The following AGBL1 variants were observed in gnomAD, a reference collection of about 807,000 sequenced individuals.
The protein encoded by AGBL1 is AGBL carboxypeptidase 1, also known as cytosolic carboxypeptidase 4.
A neutral mutation model predicts 118.9 loss-of-function variants in AGBL1; 130 were observed. The observed-to-expected ratio is 1.09, with a 90% confidence interval of 0.95 to 1.26. AGBL1 has a LOEUF of 1.26. Ranked by LOEUF, AGBL1 falls within the 50% of genes most tolerant of loss-of-function variation. AGBL1 has a pLI of 0.00. For missense variants in AGBL1, 1,584 were observed against 1,298.1 expected, an observed-to-expected ratio of 1.22 and a Z score of -3.38; for synonymous variants, 555 against 478.9, an observed-to-expected ratio of 1.16 and a Z score of -2.08.
intron 22 of AGBL1, among the ~76,000 whole-genome samples, chr15:86,727,103 G>A (rs1384899909): frequency 6.6e-6 from 1 of 152,114 alleles, no homozygotes; most frequent in Non-Finnish European, 1.5e-5. Flanking sequence ...GCAGTACTTG[G>A]GATGATGGGG....
chr15:86,306,588 A>G (rs908529290), intron 17 of AGBL1, among the ~76,000 whole-genome samples: 10 of 152,164 alleles, frequency 6.6e-5, no homozygotes, highest in African/African-American at 2.4e-4. Context: ...GATTGCTTCC[A>G]GATCTTAGCT....
intron 21 of AGBL1, among the ~76,000 whole-genome samples, chr15:86,670,437 C>G (rs1463662211): frequency 4.6e-5 from 7 of 151,800 alleles, no homozygotes; most frequent in Admixed American, 3.9e-4. Context: ...AACCCTGTCT[C>G]TACTCAAAAT....
chr15:86,417,184 G>A (rs946443732), intron 18 of AGBL1, among the ~76,000 whole-genome samples: 3 of 152,054 alleles, frequency 2.0e-5, no homozygotes, highest in Admixed American at 6.6e-5. Context: ...TTTCATTTTC[G>A]ATAGTCCTCT....
intron 22 of AGBL1, among the ~76,000 whole-genome samples, chr15:86,751,073 C>G (rs531254399): frequency 1.3e-5 from 2 of 152,208 alleles, no homozygotes; most frequent in South Asian, 2.1e-4. Context: ...CATGTCTTCA[C>G]TATTGTGAAT....
At chr15:86,101,631 C>G (rs1192615489) in intron 1 of AGBL1, among the ~76,000 whole-genome samples, 1 of 131,702 alleles carries the variant, frequency 7.6e-6, no homozygotes, top group Non-Finnish European at 1.7e-5. Context: ...TGACATTTGT[C>G]TTTTTTTTTT....
chr15:86,494,823 G>A (rs910777650), intron 18 of AGBL1, among the ~76,000 whole-genome samples: 2 of 151,972 alleles, frequency 1.3e-5, no homozygotes, highest in Admixed American at 6.6e-5. Flanking sequence ...TTACTCATGT[G>A]TTTGTTTTGT....
At chr15:86,193,034 A>T (rs911500103) in intron 5 of AGBL1, among the ~76,000 whole-genome samples, 1 of 152,196 alleles carries the variant, frequency 6.6e-6, no homozygotes, top group African/African-American at 2.4e-5. Flanking sequence ...TATTAAAAAA[A>T]GTATTTTTTA....
In AGBL1 at chr15:86,474,846, T is replaced by C. The variant is rs368211976; in HGVS notation, c.2556-47964T>C. Among the ~76,000 whole-genome samples the C allele has an allele frequency of 7.2e-4, 109 of 152,282 alleles. No homozygotes were observed. The South Asian group carries it at 0.022, about 31-fold the overall frequency. Reference sequence around the variant, plus strand: ...CCCCCAGTAGGGGCAGACTGACACCTCACATGGCCAGGTACCCCTCTGAGA... The same window carrying C: ...CCCCCAGTAGGGGCAGACTGACACCCCACATGGCCAGGTACCCCTCTGAGA... On this transcript the variant is annotated intron_variant, in intron 18 of 22. Coordinates refer to ENST00000614907, the MANE Select transcript of AGBL1 (RefSeq NM_001386094.1).
intron 1 of AGBL1, among the ~76,000 whole-genome samples, chr15:86,139,655 C>A (rs1480042934): frequency 1.3e-5 from 2 of 152,000 alleles, no homozygotes; most frequent in African/African-American, 4.8e-5. Flanking sequence ...ATCTAGGGAT[C>A]CCTAGAGGTC....
chr15:87,022,929 A>C (rs1177980336), intron 24 of AGBL1, among the ~76,000 whole-genome samples: 1 of 152,070 alleles, frequency 6.6e-6, no homozygotes, highest in Non-Finnish European at 1.5e-5. Context: ...TACCACTACC[A>C]TGCCACCACT....
intron 6 of AGBL1, among the ~76,000 whole-genome samples, chr15:86,245,000 C>G (rs1175233048): frequency 6.6e-6 from 1 of 152,054 alleles, no homozygotes; most frequent in Non-Finnish European, 1.5e-5. Flanking sequence ...GAAGGCAATT[C>G]AAACCCTCCA....
intron 24 of AGBL1, among the ~76,000 whole-genome samples, chr15:87,022,510 C>G (rs1379774638): frequency 6.6e-6 from 1 of 152,056 alleles, no homozygotes; most frequent in African/African-American, 2.4e-5. Context: ...GAAGAGATAT[C>G]TAAAAGTTTG....
At chr15:86,356,367 C>T (rs950811716) in intron 17 of AGBL1, among the ~76,000 whole-genome samples, 1 of 148,682 alleles carries the variant, frequency 6.7e-6, no homozygotes, top group Non-Finnish European at 1.5e-5. Flanking sequence ...CGCGTGCGCC[C>T]GCACGCACGC....
At chr15:86,243,762 AC>A (rs999009852) in intron 6 of AGBL1, among the ~76,000 whole-genome samples, 1 of 152,156 alleles carries the variant, frequency 6.6e-6, no homozygotes, top group Non-Finnish European at 1.5e-5. Context: ...TAATTCCAGC[AC>A]TTGGGGAGGC....
At chr15:86,841,293 T>G (rs2079241196) in intron 22 of AGBL1, among the ~76,000 whole-genome samples, 1 of 152,106 alleles carries the variant, frequency 6.6e-6, no homozygotes, top group Non-Finnish European at 1.5e-5. Flanking sequence ...AGGGATTTTG[T>G]TAGCAAAGAA....
intron 19 of AGBL1, among the ~76,000 whole-genome samples, chr15:86,528,416 G>T (rs1201053313): frequency 1.3e-5 from 2 of 152,120 alleles, no homozygotes; most frequent in Non-Finnish European, 2.9e-5. Context: ...AAAAAACGGC[G>T]CACCACGAGA....
At chr15:86,811,147 G>C (rs1284101309) in intron 22 of AGBL1, among the ~76,000 whole-genome samples, 1 of 152,086 alleles carries the variant, frequency 6.6e-6, no homozygotes, top group Non-Finnish European at 1.5e-5. Flanking sequence ...CAAGTGAAGT[G>C]GTAGAAAAGA....
chr15:86,599,678 C>A (rs2084464898), intron 21 of AGBL1, among the ~76,000 whole-genome samples: 1 of 152,042 alleles, frequency 6.6e-6, no homozygotes, highest in East Asian at 1.9e-4. Context: ...CAATTCCTAT[C>A]CTTGCCAGTA....
intron 23 of AGBL1, among the ~76,000 whole-genome samples, chr15:86,984,361 C>CT (rs1251444990): frequency 4.2e-5 from 6 of 143,436 alleles, no homozygotes; most frequent in East Asian, 2.0e-4. Flanking sequence ...ATTTTTTTCT[C>CT]TCTTTTTTTT....
Sources: gnomAD v4.1 joint callset for allele counts (sites outside exome capture counted in the v4.1 genomes callset) on GRCh38, gnomAD v4.1.1 for gene constraint, MANE v1.5 for transcripts, NCBI Gene and HGNC (gene_info 2026-07-23, HGNC 2026-07-21) for gene names.